The following GLYCTK variants were observed in gnomAD, a reference collection of about 807,000 sequenced individuals.
GLYCTK encodes glycerate kinase, also known as HBeAg binding protein 4.
Under a neutral mutation model 24.8 loss-of-function variants are expected in GLYCTK, and 22 were observed. The ratio of observed to expected loss-of-function variants is 0.89; its 90% CI spans 0.63 to 1.27. The LOEUF is 1.27. Among genes scored for constraint, GLYCTK ranks in the 50% most tolerant of loss-of-function variants. GLYCTK has a pLI of 0.00. For synonymous variants in GLYCTK, 320 were observed against 297.2 expected, an observed-to-expected ratio of 1.08 and a Z score of -0.79; for missense variants, 684 against 686.7, an observed-to-expected ratio of 1.00 and a Z score of 0.04.
chr3:52,290,244 C>T, intron 1 of GLYCTK, 60 bp from the exon 2 acceptor site: 3 of 1,419,184 alleles, frequency 2.1e-6, no homozygotes, highest in Non-Finnish European at 2.8e-6. Context: ...AGAGGGGCGG[C>T]CGTGGGGGAC....
rs1343153117 is a variant in GLYCTK, at chr3:52,292,297, C to T, written c.743C>T (p.Pro248Leu). Residue 248 changes from proline (P) to leucine (L), a missense_variant, in exon 5 of 5, where the codon CCT (proline) becomes CTT (leucine). Physicochemically the swap from Pro to Leu is moderately conservative, Grantham distance 98. Transcript: ENST00000436784. ...ATCCTGTCAGATGTGGTGGGGGACC[C>T]TGTGGAGGTGATTGCCAGTGGCCCC... ...SLILSDVVGDPVEVIASGPTV... is the reference protein window; with the variant it reads ...SLILSDVVGDLVEVIASGPTV... 4 of 1,613,984 alleles carry T rather than the reference C, an allele frequency of 2.5e-6. No homozygotes were observed. In the East Asian group the frequency reaches 8.9e-5, roughly 36 times the overall value.
At chr3:52,290,850 C>G (rs1700443057) in intron 2 of GLYCTK, 110 bp from the exon 3 acceptor site, 1 of 1,580,692 alleles carries the variant, frequency 6.3e-7, no homozygotes, top group South Asian at 1.1e-5. Flanking sequence ...CCCCAGGATG[C>G]ATGTCAGTGG....
rs1190153428 is a variant in GLYCTK at position 52,290,358 on chromosome 3, C to T, written c.16C>T (p.Gln6Ter). 1.3e-6 allele frequency: 2 copies of T among 1,598,264 alleles called. No individual in the cohort carries two copies. The highest frequency in any genetic ancestry group is 2.2e-5 in the East Asian group (1 of 44,856). Residue 6 changes from glutamine (Q) to a stop codon, truncating the protein, a stop_gained, in exon 2 of 5, where the codon CAG (glutamine) becomes TAG (stop). Coordinates refer to ENST00000436784, the MANE Select transcript of GLYCTK (RefSeq NM_145262.4). LOFTEE classifies it high-confidence loss of function. MAAAL[Q>*]VLPRLARAPL... is the part of the protein sequence containing the mutation. ...GCAGTGGGGCATGGCTGCAGCCCTGCAGGTCCTGCCCCGCTTGGCCCGAGC... is the reference window on the plus strand; with the variant it reads ...GCAGTGGGGCATGGCTGCAGCCCTGTAGGTCCTGCCCCGCTTGGCCCGAGC...
Position 52,290,515 on chromosome 3 carries a change from C to T in GLYCTK, c.173C>T (p.Ala58Val), listed in dbSNP as rs1436833679. 1.2e-6 allele frequency: 2 copies of T among 1,613,542 alleles called. No homozygotes were observed. Among genetic ancestry groups the T allele is most frequent in the South Asian group, 1.1e-5 (1 of 91,092 alleles). ...AVLPGPMLHR[A>V]LSLDPGGRQL... Reference sequence around the variant, plus strand: ...CTGCCGGGCCCCATGCTGCACCGGGCACTATCCTTGGACCCTGGTGGCAGA... The same window carrying T: ...CTGCCGGGCCCCATGCTGCACCGGGTACTATCCTTGGACCCTGGTGGCAGA... The change falls in exon 2 of 5, where the codon GCA becomes GTA. Residue 58 changes from alanine to valine, a missense_variant. Physicochemically the swap from Ala to Val is moderately conservative, Grantham distance 64. Coordinates refer to ENST00000436784, the MANE Select transcript of GLYCTK (RefSeq NM_145262.4).
chr3:52,291,251 G>A (rs1384877038), intron 3 of GLYCTK, 140 bp downstream of exon 3: 2 of 1,085,326 alleles, frequency 1.8e-6, no homozygotes, highest in Non-Finnish European at 1.3e-6. Flanking sequence ...CCTGGATGGT[G>A]ACTCCTGGGT....
Position 52,291,932 on chromosome 3 carries a change from C to G in GLYCTK, c.705+10C>G, listed in dbSNP as rs776703098. Reference sequence around the variant, plus strand: ...CGCCTACCCTGCCCAGGTATGAGTCCCTTCTTCCCCAGGCAACCTTGGGTT... The same window carrying G: ...CGCCTACCCTGCCCAGGTATGAGTCGCTTCTTCCCCAGGCAACCTTGGGTT... On this transcript the variant is annotated intron_variant, in intron 4 of 4. Transcript: ENST00000436784. 1.2e-6 allele frequency: 2 copies of G among 1,609,390 alleles called. No homozygotes were observed. Among genetic ancestry groups the G allele is most frequent in the Admixed American group, 3.3e-5 (2 of 59,956 alleles).
Position 52,294,062 on chromosome 3 carries a change from C to A in GLYCTK, c.*936C>A. On this transcript the variant is annotated 3_prime_UTR_variant, in exon 5 of 5. Transcript: ENST00000436784. ...CCAGCCAGTGATGAGGTCCAGTGAC[C>A]CACACCTCTTCCTGTGACCACTGGC... 2.1e-6 allele frequency: 1 copy of A among 476,792 alleles called. No individual in the cohort carries two copies. Among genetic ancestry groups the A allele is most frequent in the Non-Finnish European group, 4.3e-6 (1 of 234,962 alleles). 29.5% of individuals were successfully genotyped at this position (476,792 alleles called of 1,614,324 possible). A position where few individuals can be genotyped will look rare whatever the true frequency, so the allele number is the denominator to read the frequency against.
At chr3:52,290,901 AT>A in intron 2 of GLYCTK, 58 bp from the exon 3 acceptor site, 1 of 1,608,156 alleles carries the variant, frequency 6.2e-7, no homozygotes, top group Non-Finnish European at 8.5e-7. Context: ...AAGTTGAGAG[AT>A]CAGGTGGGAG....
At position 52,294,810 on chromosome 3, in the gene GLYCTK, G is replaced by A. The variant is rs1483132000; in HGVS notation, c.*1684G>A. The A allele has an allele frequency of 2.2e-6, 1 of 453,994 alleles. No homozygotes were observed. Among genetic ancestry groups the A allele is most frequent in the Admixed American group, 2.3e-5 (1 of 42,576 alleles). The allele number at this position is 453,994 out of a possible 1,614,324, so 28.1% of individuals were successfully genotyped here. On this transcript the variant is annotated 3_prime_UTR_variant, in exon 5 of 5. Transcript: ENST00000436784. ...GGATAGGAGAGCTGGGGCAGGGGCTGCAGGAGCTGAGGGCCTGGCAGCCAT... is the reference window on the plus strand; with the variant it reads ...GGATAGGAGAGCTGGGGCAGGGGCTACAGGAGCTGAGGGCCTGGCAGCCAT...
At chr3:52,290,828 G>T in intron 2 of GLYCTK, 109 bp downstream of exon 2, 1 of 1,583,802 alleles carries the variant, frequency 6.3e-7, no homozygotes, top group Non-Finnish European at 8.6e-7. Flanking sequence ...ATTTCTCCTG[G>T]ATCTGGCCTG....
chr3:52,291,626 G>C (rs2153220983), intron 3 of GLYCTK, 121 bp from the exon 4 acceptor site: 1 of 917,682 alleles, frequency 1.1e-6, no homozygotes, highest in East Asian at 2.5e-5. Context: ...CATATCCACA[G>C]GGGGGCACCC....
In GLYCTK at chr3:52,293,971, C is replaced by T. The variant is rs1700567946; in HGVS notation, c.*845C>T. The stretch of plus-strand genomic sequence containing the variant: ...ATCCCTAGTTCCTTCAGCCACTCCT[C>T]TGGGGACCAAGTCCAGACCCTGAAG... On this transcript the variant is annotated 3_prime_UTR_variant, in exon 5 of 5. Coordinates refer to ENST00000436784, the MANE Select transcript of GLYCTK (RefSeq NM_145262.4). 4.5e-6 allele frequency: 2 copies of T among 442,642 alleles called. No individual in the cohort carries two copies. Among genetic ancestry groups the T allele is most frequent in the South Asian group, 3.2e-5 (2 of 62,952 alleles). 27.4% of individuals were successfully genotyped at this position (442,642 alleles called of 1,614,324 possible). A position where few individuals can be genotyped will look rare whatever the true frequency, so the allele number is the denominator to read the frequency against.
In GLYCTK at chr3:52,292,908, G is replaced by T; in HGVS notation, c.1354G>T (p.Asp452Tyr). The T allele has an allele frequency of 1.2e-6, 2 of 1,614,072 alleles. No individual in the cohort carries two copies. The highest frequency in any genetic ancestry group is 1.7e-6 in the Non-Finnish European group (2 of 1,180,036). ...TGTGCTGTTTTTGAGCGGTGGCACC[G>T]ATGGGCAGGATGGGCCCACAGAGGC... ...IDVLFLSGGT[D>Y]GQDGPTEAAG... Residue 452 changes from aspartate to tyrosine, a missense_variant, in exon 5 of 5, where the codon GAT becomes TAT. Asp to Tyr is a radical substitution (Grantham distance 160). Coordinates refer to ENST00000436784, the MANE Select transcript of GLYCTK (RefSeq NM_145262.4).
chr3:52,290,888 GT>G, intron 2 of GLYCTK, 71 bp from the exon 3 acceptor site: 1 of 1,605,980 alleles, frequency 6.2e-7, no homozygotes, highest in Admixed American at 1.7e-5. Flanking sequence ...CCCATCACCT[GT>G]AAAGTTGAGA....
At chr3:52,288,081 C>A (rs1356903000) in intron 1 of GLYCTK, 1 of 204,278 alleles carries the variant, frequency 4.9e-6, no homozygotes, top group Non-Finnish European at 1.1e-5. Context: ...TACCAGCCTT[C>A]TTTGATGGCG....
In GLYCTK at chr3:52,290,781, C is replaced by T; in HGVS notation, c.377+62C>T. ...CTGGAGGGAAACCTGGGCCCAGACACAGGCTGAATCGGGCCTCCCCTCCCC... is the reference window on the plus strand; with the variant it reads ...CTGGAGGGAAACCTGGGCCCAGACATAGGCTGAATCGGGCCTCCCCTCCCC... On this transcript the variant is annotated intron_variant, in intron 2 of 4. Transcript: ENST00000436784. The T allele has an allele frequency of 4.4e-6, 7 of 1,593,812 alleles. No individual in the cohort carries two copies. In the South Asian group the frequency reaches 6.8e-5, roughly 15 times the overall value.
chr3:52,291,562 C>T, intron 3 of GLYCTK, 185 bp from the exon 4 acceptor site: 1 of 618,324 alleles, frequency 1.6e-6, no homozygotes, highest in Non-Finnish European at 2.8e-6. Flanking sequence ...CCTGGGGTAC[C>T]CCAAGGCAGG....
At position 52,290,953 on chromosome 3, in the gene GLYCTK, T is replaced by G; in HGVS notation, c.378-7T>G. 2 of 1,613,902 alleles carry G rather than the reference T, an allele frequency of 1.2e-6. No individual in the cohort carries two copies. Among genetic ancestry groups the G allele is most frequent in the Non-Finnish European group, 8.5e-7 (1 of 1,179,992 alleles). On this transcript the variant is annotated splice_region_variant and splice_polypyrimidine_tract_variant and intron_variant, in intron 2 of 4. Coordinates refer to ENST00000436784, the MANE Select transcript of GLYCTK (RefSeq NM_145262.4). Reference sequence around the variant, plus strand: ...CATCTCTTGCGTGCTGACCTTTCCCTCCCCAGGGAGATGCTGCTGAAGCCA... The same window carrying G: ...CATCTCTTGCGTGCTGACCTTTCCCGCCCCAGGGAGATGCTGCTGAAGCCA...
chr3:52,290,910 G>A, intron 2 of GLYCTK, 50 bp from the exon 3 acceptor site: 1 of 1,610,808 alleles, frequency 6.2e-7, no homozygotes, highest in Non-Finnish European at 8.5e-7. Flanking sequence ...GATCAGGTGG[G>A]AGGAGAGGAG....
Sources: allele counts gnomAD v4.1 joint callset, GRCh38; gene constraint gnomAD v4.1.1; transcripts MANE v1.5; gene names NCBI Gene and HGNC (gene_info 2026-07-23, HGNC 2026-07-21).